C8orf34: variants seen among roughly 807,000 people sequenced by gnomAD.
C8orf34 encodes the protein chromosome 8 open reading frame 34.
C8orf34 carries 65 observed loss-of-function variants against 68.3 expected under a neutral mutation model. That is an observed-to-expected ratio of 0.95 (90% CI 0.78 to 1.17). The LOEUF (loss-of-function observed/expected upper bound fraction) is 1.17. Among genes scored for constraint, C8orf34 ranks in the 50% most tolerant of loss-of-function variants. The pLI, the probability that C8orf34 is intolerant of heterozygous loss-of-function variation, is 0.00. For synonymous variants in C8orf34, 244 were observed against 241.2 expected (o/e 1.01, Z -0.11); for missense variants, 664 against 655.4 (o/e 1.01, Z -0.14).
intron 7 of C8orf34, among the ~76,000 whole-genome samples, chr8:68,548,097 GA>G (rs1380231208): frequency 6.6e-6 from 1 of 151,612 alleles, no homozygotes; most frequent in Non-Finnish European, 1.5e-5. Flanking sequence ...AACTTCCAGA[GA>G]AAATGTATAA....
At chr8:68,473,902 A>T (rs1812486565) in intron 4 of C8orf34, among the ~76,000 whole-genome samples, 1 of 152,148 alleles carries the variant, frequency 6.6e-6, no homozygotes, top group South Asian at 2.1e-4. Flanking sequence ...TTACGCTGTC[A>T]TTCTTCTGAC....
chr8:68,515,342 T>C (rs917420056), intron 5 of C8orf34, among the ~76,000 whole-genome samples: 2 of 151,868 alleles, frequency 1.3e-5, no homozygotes, highest in South Asian at 4.1e-4. Flanking sequence ...CTATGTAAAT[T>C]ACATGCTATG....
chr8:68,459,821 A>T (rs150468920), intron 3 of C8orf34, among the ~76,000 whole-genome samples: 1 of 152,208 alleles, frequency 6.6e-6, no homozygotes, highest in Non-Finnish European at 1.5e-5. Flanking sequence ...CAAGATGGCC[A>T]AATAGGAACA....
intron 10 of C8orf34, among the ~76,000 whole-genome samples, chr8:68,758,271 A>T (rs1822923854): frequency 6.6e-6 from 1 of 152,238 alleles, no homozygotes. Context: ...CTTTATACAA[A>T]CAGTAAAATT....
intron 5 of C8orf34, among the ~76,000 whole-genome samples, chr8:68,491,612 A>G (rs1813315920): frequency 6.6e-6 from 1 of 152,208 alleles, no homozygotes; most frequent in South Asian, 2.1e-4. Flanking sequence ...GAATTATGTT[A>G]GGTTGAGGCC....
chr8:68,493,671 G>A (rs1396966280), intron 5 of C8orf34, among the ~76,000 whole-genome samples: 1 of 152,154 alleles, frequency 6.6e-6, no homozygotes, highest in East Asian at 1.9e-4. Flanking sequence ...CAATGTAAGA[G>A]CATTAAGAAG....
chr8:68,501,571 G>A (rs1813773061), intron 5 of C8orf34, among the ~76,000 whole-genome samples: 1 of 152,202 alleles, frequency 6.6e-6, no homozygotes, highest in African/African-American at 2.4e-5. Flanking sequence ...CTAGAGGTGA[G>A]TCCCCAGTTG....
intron 7 of C8orf34, among the ~76,000 whole-genome samples, chr8:68,624,545 C>T (rs941402565): frequency 6.6e-6 from 1 of 152,128 alleles, no homozygotes; most frequent in Non-Finnish European, 1.5e-5. Flanking sequence ...ACCCTTTAGA[C>T]TTTCTAAGGG....
intron 8 of C8orf34, among the ~76,000 whole-genome samples, chr8:68,706,473 T>C (rs1821169241): frequency 6.6e-6 from 1 of 152,004 alleles, no homozygotes; most frequent in Non-Finnish European, 1.5e-5. Context: ...CACTCCCTGA[T>C]ACCTAGGAGA....
At chr8:68,595,007 T>C (rs1817502324) in intron 7 of C8orf34, among the ~76,000 whole-genome samples, 1 of 152,030 alleles carries the variant, frequency 6.6e-6, no homozygotes, top group Admixed American at 6.6e-5. Context: ...CCTATCACTT[T>C]TGAGCTAAGG....
chr8:68,553,151 C>T (rs986965940), intron 7 of C8orf34, among the ~76,000 whole-genome samples: 7 of 151,686 alleles, frequency 4.6e-5, no homozygotes, highest in East Asian at 1.9e-4. Flanking sequence ...TTTGGGAGGC[C>T]GAGACAGGCA....
At chr8:68,495,958 G>A (rs1466827734) in intron 5 of C8orf34, among the ~76,000 whole-genome samples, 3 of 152,170 alleles carry the variant, frequency 2.0e-5, no homozygotes, top group African/African-American at 4.8e-5. Context: ...ATTACTAAAA[G>A]TTTATTTTTC....
intron 1 of C8orf34, among the ~76,000 whole-genome samples, chr8:68,372,610 C>G (rs1807607283): frequency 6.6e-6 from 1 of 152,158 alleles, no homozygotes; most frequent in Admixed American, 6.5e-5. Flanking sequence ...GCATAACTTA[C>G]TATTATTATA....
intron 1 of C8orf34, among the ~76,000 whole-genome samples, chr8:68,395,811 C>G (rs1261934541): frequency 2.0e-5 from 3 of 152,012 alleles, no homozygotes; most frequent in African/African-American, 4.8e-5. Flanking sequence ...CTTCAAGTGT[C>G]TATGCTGGAG....
intron 7 of C8orf34, chr8:68,533,518 T>C (rs1815338020): frequency 9.1e-6 from 9 of 989,444 alleles, no homozygotes; most frequent in Non-Finnish European, 1.1e-5. Context: ...AAAGTACATA[T>C]TTCAGCCCTC....
chr8:68,640,559 TA>T (rs1818976523), intron 8 of C8orf34, 48 bp downstream of exon 8: 1 of 1,538,082 alleles, frequency 6.5e-7, no homozygotes, highest in Non-Finnish European at 8.8e-7. Context: ...TCTTGATTTT[TA>T]AAATCTAAGA....
chr8:68,527,303 C>A (rs1018218312), intron 6 of C8orf34, among the ~76,000 whole-genome samples: 1 of 152,152 alleles, frequency 6.6e-6, no homozygotes, highest in Non-Finnish European at 1.5e-5. Context: ...AGAGGCCCGG[C>A]GCAGTGGCTC....
chr8:68,795,269 C>A (rs1824144086), intron 12 of C8orf34, among the ~76,000 whole-genome samples: 1 of 147,444 alleles, frequency 6.8e-6, no homozygotes, highest in African/African-American at 2.5e-5. Flanking sequence ...GATTAAAAGT[C>A]TTTGTCTGGT....
intron 7 of C8orf34, among the ~76,000 whole-genome samples, chr8:68,624,098 G>A (rs920950178): frequency 1.1e-4 from 16 of 151,546 alleles, no homozygotes; most frequent in Admixed American, 2.6e-4. Context: ...TGGTGAAACC[G>A]GGTCTCTACT....
Sources: allele counts gnomAD v4.1 joint callset (sites outside exome capture counted in the v4.1 genomes callset), GRCh38; gene constraint gnomAD v4.1.1; transcripts MANE v1.5; gene names NCBI Gene and HGNC (gene_info 2026-07-23, HGNC 2026-07-21).